The following KIF1B variants were observed in gnomAD, a reference collection of about 807,000 sequenced individuals.
The protein encoded by KIF1B is kinesin family member 1B.
In KIF1B, 76 loss-of-function variants were observed where a neutral mutation model predicts 241.9. The ratio of observed to expected loss-of-function variants is 0.31; its 90% CI spans 0.26 to 0.38. KIF1B has a LOEUF of 0.38. KIF1B is among the 10% of genes least tolerant of loss of function. KIF1B has a pLI of 1.00. For synonymous variants in KIF1B, 750 were observed against 796.7 expected (o/e 0.94, Z 0.99); for missense variants, 1,622 against 2,271.4 (o/e 0.71, Z 5.81).
At chr1:10,224,911 G>C (rs1428165251) in intron 1 of KIF1B, among the ~76,000 whole-genome samples, 1 of 152,138 alleles carries the variant, frequency 6.6e-6, no homozygotes, top group Non-Finnish European at 1.5e-5. Flanking sequence ...GACAGGGTTG[G>C]GGTGATGGTC....
At chr1:10,370,379 T>A (rs1360890598) in intron 44 of KIF1B, among the ~76,000 whole-genome samples, 1 of 151,832 alleles carries the variant, frequency 6.6e-6, no homozygotes, top group Non-Finnish European at 1.5e-5. Flanking sequence ...CTGGGCAACA[T>A]GACAAAAACC....
At chr1:10,223,734 C>T (rs1303092851) in intron 1 of KIF1B, among the ~76,000 whole-genome samples, 5 of 151,770 alleles carry the variant, frequency 3.3e-5, no homozygotes, top group East Asian at 1.9e-4. Context: ...CTAGTAGAAA[C>T]GGGATTTCAC....
At chr1:10,272,802 TA>T (rs983270155) in intron 9 of KIF1B, among the ~76,000 whole-genome samples, 41 of 152,164 alleles carry the variant, frequency 2.7e-4, no homozygotes, top group African/African-American at 9.6e-4. Context: ...TTTTTTAAAT[TA>T]GGGGCTTTGT....
chr1:10,225,366 C>A (rs1338448465), intron 1 of KIF1B, among the ~76,000 whole-genome samples: 1 of 151,980 alleles, frequency 6.6e-6, no homozygotes, highest in African/African-American at 2.4e-5. Flanking sequence ...ACCCCTGTAG[C>A]TCCAGCTGCT....
At chr1:10,311,712 C>T (rs752625375) in intron 22 of KIF1B, among the ~76,000 whole-genome samples, 8 of 151,300 alleles carry the variant, frequency 5.3e-5, no homozygotes, top group Non-Finnish European at 8.8e-5. Context: ...CTTCATGGGA[C>T]ACTTTCTTCT....
At chr1:10,305,824 A>G (rs557696627) in intron 22 of KIF1B, 130 of 1,052,792 alleles carry the variant, frequency 1.2e-4, no homozygotes, top group Non-Finnish European at 1.4e-4. Context: ...TATTTTCTAC[A>G]TCGTTCCTCA....
chr1:10,334,755 G>T, intron 28 of KIF1B, 117 bp downstream of exon 28: 1 of 782,118 alleles, frequency 1.3e-6, no homozygotes, highest in Non-Finnish European at 2.3e-6. Flanking sequence ...GTTTGTATGT[G>T]TAATATACAG....
At position 10,380,628 on chromosome 1, in the gene KIF1B, C is replaced by G. The variant is rs539967376; in HGVS notation, c.*4041C>G. 21 of 190,184 alleles carry G rather than the reference C, an allele frequency of 1.1e-4. No homozygotes were observed. The highest frequency in any genetic ancestry group is 3.7e-3 in the Middle Eastern group (2 of 544). The allele number at this position is 190,184 out of a possible 1,614,324, so 11.8% of individuals were successfully genotyped here. A position where few individuals can be genotyped will look rare whatever the true frequency, so the allele number is the denominator to read the frequency against. On this transcript the variant is annotated 3_prime_UTR_variant, in exon 49 of 49. Transcript: ENST00000676179. ...GGCTGAGGCAGGAGAATAGCTTGAA[C>G]CTGGGAGGTGGAGGCTGCAGTGAGT...
intron 13 of KIF1B, chr1:10,278,605 G>A (rs1649242149): frequency 5.2e-6 from 1 of 194,024 alleles, no homozygotes; most frequent in East Asian, 1.4e-4. Flanking sequence ...CCCTCCTCCT[G>A]TAAAATGCTG....
chr1:10,341,423 G>A (rs531683194), intron 32 of KIF1B, among the ~76,000 whole-genome samples: 2 of 152,346 alleles, frequency 1.3e-5, no homozygotes, highest in African/African-American at 4.8e-5. Flanking sequence ...AGGCAGGGTT[G>A]CAGCCTGGGC....
rs1272800200 is a variant in KIF1B, at chr1:10,381,322, A to C, written c.*4735A>C. 2 of 226,766 alleles carry C rather than the reference A, an allele frequency of 8.8e-6. No homozygotes were observed. The highest frequency in any genetic ancestry group is 4.4e-5 in the African/African-American group (2 of 44,954). 14.0% of individuals were successfully genotyped at this position (226,766 alleles called of 1,614,324 possible). The stretch of plus-strand genomic sequence containing the variant: ...GGCCTTTTTGAACCAAGACTTTGCA[A>C]ACTGATCTCTCCCCCGTGAAGGAGT... On this transcript the variant is annotated 3_prime_UTR_variant, in exon 49 of 49. Coordinates refer to ENST00000676179, the MANE Select transcript of KIF1B (RefSeq NM_001365951.3).
At chr1:10,315,885 C>G (rs1265990564) in intron 22 of KIF1B, among the ~76,000 whole-genome samples, 1 of 150,928 alleles carries the variant, frequency 6.6e-6, no homozygotes, top group East Asian at 1.9e-4. Context: ...GTAAAACCCC[C>G]TCTCTATTAA....
intron 2 of KIF1B, among the ~76,000 whole-genome samples, chr1:10,246,442 A>G (rs1349822785): frequency 6.6e-6 from 1 of 152,148 alleles, no homozygotes. Context: ...GTAGCCAGTC[A>G]TATTTTAGAA....
intron 28 of KIF1B, among the ~76,000 whole-genome samples, chr1:10,334,882 T>C (rs1652106142): frequency 6.6e-6 from 1 of 152,178 alleles, no homozygotes; most frequent in Admixed American, 6.5e-5. Context: ...GTAAAGAGAT[T>C]TCCTTAAACA....
rs1442632118 is a variant in KIF1B, at chr1:10,372,796, A to AT, written c.4947-1514dup. On this transcript the variant is annotated intron_variant, in intron 45 of 48. Transcript: ENST00000676179. ...AGGTGCCCGCCACCACACCCAGCTA[A>AT]TTTTTTATTTTATTTTATTTATTTA... Among the ~76,000 whole-genome samples, 6 of 146,602 alleles carry AT rather than the reference A, an allele frequency of 4.1e-5. No homozygotes were observed. The South Asian group carries it at 1.3e-3, about 32-fold the overall frequency.
At chr1:10,331,692 T>A (rs1651927274) in intron 27 of KIF1B, among the ~76,000 whole-genome samples, 1 of 152,238 alleles carries the variant, frequency 6.6e-6, no homozygotes, top group African/African-American at 2.4e-5. Flanking sequence ...AACATGTATG[T>A]CACTTGGTTT....
intron 38 of KIF1B, among the ~76,000 whole-genome samples, chr1:10,357,963 C>G (rs1014928641): frequency 1.3e-5 from 2 of 149,378 alleles, no homozygotes; most frequent in Middle Eastern, 3.3e-3. Flanking sequence ...GAGCCAAGAT[C>G]GCACCATTGC....
intron 45 of KIF1B, among the ~76,000 whole-genome samples, chr1:10,371,681 CCAG>C (rs1638737305): frequency 6.6e-6 from 1 of 152,186 alleles, no homozygotes; most frequent in African/African-American, 2.4e-5. Flanking sequence ...GAGGTGGCTC[CCAG>C]CACTTTCGGA....
chr1:10,223,254 AAAAACAAAAC>A (rs967994290), intron 1 of KIF1B, among the ~76,000 whole-genome samples: 1 of 152,208 alleles, frequency 6.6e-6, no homozygotes, highest in African/African-American at 2.4e-5. Flanking sequence ...ACTCTGTCTC[AAAAACAAAAC>A]AAAACAAAAC....
Sources: gnomAD v4.1 joint callset for allele counts (sites outside exome capture counted in the v4.1 genomes callset) on GRCh38, gnomAD v4.1.1 for gene constraint, MANE v1.5 for transcripts, NCBI Gene and HGNC (gene_info 2026-07-23, HGNC 2026-07-21) for gene names.